The following ZMYM4 variants were observed in gnomAD, a reference collection of about 807,000 sequenced individuals.
The protein encoded by ZMYM4 is zinc finger MYM-type protein 4.
In ZMYM4, 31 loss-of-function variants were observed where a neutral mutation model predicts 183.2. That is an observed-to-expected ratio of 0.17 (90% CI 0.13 to 0.23). The LOEUF is 0.23. ZMYM4 is among the 10% of genes least tolerant of loss of function. ZMYM4 has a pLI of 1.00. For synonymous variants in ZMYM4, 592 were observed against 631.2 expected, an observed-to-expected ratio of 0.94 and a Z score of 0.93; for missense variants, 1,273 against 1,840.3, an observed-to-expected ratio of 0.69 and a Z score of 5.64.
intron 1 of ZMYM4, among the ~76,000 whole-genome samples, chr1:35,310,971 C>T (rs1000777891): frequency 1.3e-5 from 2 of 152,144 alleles, no homozygotes; most frequent in Admixed American, 1.3e-4. Context: ...TAAACACACA[C>T]ATAGATTCTT....
At chr1:35,322,067 T>TGG (rs1230543647) in intron 1 of ZMYM4, among the ~76,000 whole-genome samples, 1 of 152,092 alleles carries the variant, frequency 6.6e-6, no homozygotes, top group Non-Finnish European at 1.5e-5. Flanking sequence ...TTTTCCAAGA[T>TGG]ATACTATTGG....
At chr1:35,360,347 T>C (rs1429411080) in intron 3 of ZMYM4, among the ~76,000 whole-genome samples, 1 of 152,076 alleles carries the variant, frequency 6.6e-6, no homozygotes, top group African/African-American at 2.4e-5. Flanking sequence ...TAACCTGGTG[T>C]AGTAAAATAG....
At chr1:35,322,131 A>T (rs1000139548) in intron 1 of ZMYM4, among the ~76,000 whole-genome samples, 3 of 152,182 alleles carry the variant, frequency 2.0e-5, no homozygotes, top group Non-Finnish European at 4.4e-5. Flanking sequence ...TATCTTTACC[A>T]GTCTGAGAGA....
At chr1:35,324,313 G>T (rs750078471) in intron 1 of ZMYM4, among the ~76,000 whole-genome samples, 1 of 151,996 alleles carries the variant, frequency 6.6e-6, no homozygotes, top group Non-Finnish European at 1.5e-5. Context: ...TGGCCAGGAT[G>T]GTCTTGATCT....
chr1:35,306,277 AGTATATT>A (rs1301183087), intron 1 of ZMYM4, among the ~76,000 whole-genome samples: 3 of 152,160 alleles, frequency 2.0e-5, no homozygotes, highest in Non-Finnish European at 4.4e-5. Context: ...CCTGTAGAAT[AGTATATT>A]TCATTTATCT....
At chr1:35,286,284 T>C (rs1458421110) in intron 1 of ZMYM4, among the ~76,000 whole-genome samples, 2 of 152,024 alleles carry the variant, frequency 1.3e-5, no homozygotes, top group African/African-American at 4.8e-5. Flanking sequence ...GAAAACAATT[T>C]CATTTACATT....
chr1:35,393,476 T>C (rs1342049199), intron 17 of ZMYM4, 119 bp from the exon 18 acceptor site: 1 of 901,466 alleles, frequency 1.1e-6, no homozygotes, highest in African/African-American at 1.7e-5. Flanking sequence ...GTTGAATATT[T>C]ACTTGCTATG....
intron 1 of ZMYM4, among the ~76,000 whole-genome samples, chr1:35,272,748 G>T (rs548317980): frequency 6.6e-6 from 1 of 152,206 alleles, no homozygotes; most frequent in African/African-American, 2.4e-5. Context: ...TTGCTCTGTC[G>T]CCCATGCTGG....
chr1:35,292,738 G>T (rs1210994905), intron 1 of ZMYM4, among the ~76,000 whole-genome samples: 1 of 152,110 alleles, frequency 6.6e-6, no homozygotes, highest in Non-Finnish European at 1.5e-5. Flanking sequence ...AACATCAGGT[G>T]ATCCACTCGC....
intron 25 of ZMYM4, among the ~76,000 whole-genome samples, chr1:35,406,047 T>A (rs1374757368): frequency 6.6e-6 from 1 of 152,228 alleles, no homozygotes; most frequent in Admixed American, 6.5e-5. Flanking sequence ...TATACAATCT[T>A]TATGGAATGA....
chr1:35,371,110 C>A (rs969221763), intron 7 of ZMYM4, among the ~76,000 whole-genome samples: 21 of 102,788 alleles, frequency 2.0e-4, no homozygotes, highest in Non-Finnish European at 4.0e-4. Flanking sequence ...TGTGTGTGCG[C>A]ACATTTATTT....
intron 27 of ZMYM4, 73 bp from the exon 28 acceptor site, chr1:35,415,393 A>G (rs1214474095): frequency 6.4e-7 from 1 of 1,571,456 alleles, no homozygotes; most frequent in Admixed American, 1.8e-5. Context: ...TCCCTGTCTT[A>G]GAATTTGAGA....
At chr1:35,370,181 T>C in intron 6 of ZMYM4, 68 bp downstream of exon 6, 1 of 1,566,910 alleles carries the variant, frequency 6.4e-7, no homozygotes, top group Non-Finnish European at 8.7e-7. Context: ...GAAATTCTGC[T>C]TGTATTAATA....
intron 7 of ZMYM4, among the ~76,000 whole-genome samples, chr1:35,373,225 AATATATATATATGC>A (rs1282851757): frequency 5.4e-5 from 8 of 149,510 alleles, no homozygotes; most frequent in Non-Finnish European, 8.9e-5. Flanking sequence ...AGTATAAATA[AATATATATATATGC>A]ATATATATAT....
chr1:35,269,645 G>T (rs1170238813), intron 1 of ZMYM4, among the ~76,000 whole-genome samples: 2 of 152,166 alleles, frequency 1.3e-5, no homozygotes, highest in African/African-American at 4.8e-5. Context: ...TTAGGAGAAA[G>T]ATTTTGGCTA....
Position 35,412,130 on chromosome 1 carries a change from T to C in ZMYM4, c.3949-1842T>C, listed in dbSNP as rs181528693. 7.3e-3 allele frequency among the ~76,000 whole-genome samples: 1,112 copies of C among 151,974 alleles called. 12 individuals carry two copies. The highest frequency in any genetic ancestry group is 0.026 in the African/African-American group (1,065 of 41,422). ...TCCTGACCTTGTGATCCGCCCGCCT[T>C]AGCCTCCCAAAGTGCTGGGATTACA... On this transcript the variant is annotated intron_variant, in intron 26 of 29. Coordinates refer to ENST00000314607, the MANE Select transcript of ZMYM4 (RefSeq NM_005095.3).
Position 35,352,269 on chromosome 1 carries a change from GCACACACACACA to G in ZMYM4, c.86-6627_86-6616del, listed in dbSNP as rs56011152. The stretch of plus-strand genomic sequence containing the variant: ...TAAAAATTAGCGCGCACGCGCGCGC[GCACACACACACA>G]CACACACACACACACACACACACAC... On this transcript the variant is annotated intron_variant, in intron 2 of 29. Coordinates refer to ENST00000314607, the MANE Select transcript of ZMYM4 (RefSeq NM_005095.3). 3.2e-3 allele frequency among the ~76,000 whole-genome samples: 396 copies of G among 124,582 alleles called. 3 individuals carry two copies. Among genetic ancestry groups the G allele is most frequent in the African/African-American group, 0.012 (356 of 30,110 alleles). The allele number at this position is 124,582 out of a possible 152,430, so 81.7% of individuals were successfully genotyped here.
At chr1:35,401,615 A>AG (rs1256312619) in intron 23 of ZMYM4, among the ~76,000 whole-genome samples, 3 of 152,056 alleles carry the variant, frequency 2.0e-5, no homozygotes, top group African/African-American at 7.2e-5. Context: ...TTTGATTTTG[A>AG]GGAAGTCCCT....
intron 18 of ZMYM4, among the ~76,000 whole-genome samples, chr1:35,396,178 A>G (rs976978067): frequency 1.7e-4 from 26 of 152,170 alleles, no homozygotes; most frequent in Non-Finnish European, 3.1e-4. Flanking sequence ...AGTAGCTACA[A>G]ATGATTTTGA....
Sources: allele counts gnomAD v4.1 joint callset (sites outside exome capture counted in the v4.1 genomes callset), GRCh38; gene constraint gnomAD v4.1.1; transcripts MANE v1.5; gene names NCBI Gene and HGNC (gene_info 2026-07-23, HGNC 2026-07-21).